The following FHIP1A variants were observed in gnomAD, a reference collection of about 807,000 sequenced individuals.
FHIP1A encodes the protein FHF complex subunit HOOK interacting protein 1A, also known as FHF complex subunit HOOK-interacting protein 1A.
FHIP1A carries 61 observed loss-of-function variants against 88.6 expected under a neutral mutation model. The observed-to-expected ratio is 0.69, with a 90% CI of 0.56 to 0.85. The LOEUF (loss-of-function observed/expected upper bound fraction) is 0.85, where lower values mean the gene tolerates loss of function less well. Among genes scored for constraint, FHIP1A ranks in the 40% least tolerant of loss-of-function variants. FHIP1A has a pLI of 0.00. For synonymous variants in FHIP1A, 478 were observed against 496.0 expected (o/e 0.96, Z 0.48); for missense variants, 1,154 against 1,273.5 (o/e 0.91, Z 1.43).
chr4:151,422,164 A>T (rs1046165137), intron 1 of FHIP1A, among the ~76,000 whole-genome samples: 10 of 151,820 alleles, frequency 6.6e-5, no homozygotes, highest in Non-Finnish European at 1.5e-4. Flanking sequence ...AGTGACAAAA[A>T]TGGGAAAGAA....
At chr4:151,571,580 A>G (rs1031281153) in intron 4 of FHIP1A, among the ~76,000 whole-genome samples, 1 of 152,184 alleles carries the variant, frequency 6.6e-6, no homozygotes, top group African/African-American at 2.4e-5. Context: ...TAGAGCATCC[A>G]TGCATGGATT....
At chr4:151,595,155 G>A (rs185827634) in intron 7 of FHIP1A, among the ~76,000 whole-genome samples, 169 of 152,184 alleles carry the variant, frequency 1.1e-3, no homozygotes, top group African/African-American at 3.7e-3. Context: ...CTTTTCCTGT[G>A]GGCATTTAGT....
At chr4:151,611,445 G>A (rs1735322215) in intron 7 of FHIP1A, among the ~76,000 whole-genome samples, 1 of 152,146 alleles carries the variant, frequency 6.6e-6, no homozygotes, top group Admixed American at 6.5e-5. Flanking sequence ...TGTTTGAAAT[G>A]TGCTCTCTAT....
In FHIP1A at chr4:151,419,568, CTTTTTTTTTTTTTTTTTTTT is replaced by C. The variant is rs70941499; in HGVS notation, c.-356+10118_-356+10137del. 2.7e-4 allele frequency among the ~76,000 whole-genome samples: 6 copies of C among 21,990 alleles called. 2 individuals carry two copies. Among genetic ancestry groups the C allele is most frequent in the South Asian group, 4.2e-3 (2 of 480 alleles). 14.4% of individuals were successfully genotyped at this position (21,990 alleles called of 152,430 possible). A position where few individuals can be genotyped will look rare whatever the true frequency, so the allele number is the denominator to read the frequency against. ...CTGCCATGCTGGTCTGTTCCTCATT[CTTTTTTTTTTTTTTTTTTTT>C]TTTTTTTTTTTTTTATTATACTCTA... On this transcript the variant is annotated intron_variant, in intron 1 of 13. Coordinates refer to ENST00000435205, the MANE Select transcript of FHIP1A (RefSeq NM_001109977.3).
intron 4 of FHIP1A, among the ~76,000 whole-genome samples, chr4:151,567,312 A>G (rs1733425786): frequency 6.6e-6 from 1 of 152,066 alleles, no homozygotes; most frequent in Non-Finnish European, 1.5e-5. Flanking sequence ...GAAACAGCAC[A>G]CTGGTTAAAG....
At position 151,668,071 on chromosome 4, in the gene FHIP1A, T is replaced by TA. The variant is rs201687236; in HGVS notation, c.*5318dup. The stretch of plus-strand genomic sequence containing the variant: ...GGAATTTGGTGTTGACAATCTTACT[T>TA]ACACGACTCTTGCTAAGCTATTTGA... On this transcript the variant is annotated 3_prime_UTR_variant, in exon 14 of 14. Coordinates refer to ENST00000435205, the MANE Select transcript of FHIP1A (RefSeq NM_001109977.3). Among the ~76,000 whole-genome samples the TA allele has an allele frequency of 1.5e-3, 221 of 152,330 alleles. 3 individuals are homozygous for TA. In the East Asian group the frequency reaches 0.026, roughly 18 times the overall value.
rs1736951227 is a variant in FHIP1A at position 151,649,934 on chromosome 4, C to T, written c.1893C>T (p.Ser631=). The change falls in exon 11 of 14, where the codon TCC becomes TCT. Residue 631 remains serine (S), a synonymous_variant. Transcript: ENST00000435205. The part of the protein sequence containing the change: ...KKNALLLFKG[S]YIEESDFQDD... ...ATGCCCTCCTGCTCTTCAAAGGGTCCTACATAGAAGAGTCGGACTTTCAGG... is the reference window on the plus strand; with the variant it reads ...ATGCCCTCCTGCTCTTCAAAGGGTCTTACATAGAAGAGTCGGACTTTCAGG... 1.9e-6 allele frequency: 3 copies of T among 1,551,452 alleles called. No individual in the cohort carries two copies. Among genetic ancestry groups the T allele is most frequent in the Non-Finnish European group, 2.6e-6 (3 of 1,146,962 alleles).
At chr4:151,476,772 G>A (rs1292969149) in intron 2 of FHIP1A, among the ~76,000 whole-genome samples, 2 of 152,102 alleles carry the variant, frequency 1.3e-5, no homozygotes, top group South Asian at 2.1e-4. Flanking sequence ...AGCTAATTAC[G>A]AAGAATATGA....
chr4:151,623,741 A>G (rs1578831596), intron 7 of FHIP1A, among the ~76,000 whole-genome samples: 1 of 152,182 alleles, frequency 6.6e-6, no homozygotes. Context: ...TATAAAGGTA[A>G]TAAATGTTAG....
intron 1 of FHIP1A, among the ~76,000 whole-genome samples, chr4:151,410,284 G>A (rs1428205132): frequency 6.6e-6 from 1 of 152,176 alleles, no homozygotes; most frequent in Admixed American, 6.6e-5. Context: ...AGCTATCCAG[G>A]GACAGGGAAA....
At chr4:151,619,102 TA>T (rs1735647101) in intron 7 of FHIP1A, among the ~76,000 whole-genome samples, 1 of 152,208 alleles carries the variant, frequency 6.6e-6, no homozygotes, top group Admixed American at 6.5e-5. Context: ...ACAGGTCAGC[TA>T]GCCAGCTCTC....
intron 13 of FHIP1A, among the ~76,000 whole-genome samples, chr4:151,659,295 C>T (rs1737365123): frequency 6.6e-6 from 1 of 152,192 alleles, no homozygotes; most frequent in African/African-American, 2.4e-5. Context: ...CTTAAAGCAT[C>T]TTTAACTGAC....
At chr4:151,410,467 A>G (rs543722101) in intron 1 of FHIP1A, among the ~76,000 whole-genome samples, 1 of 152,374 alleles carries the variant, frequency 6.6e-6, no homozygotes, top group East Asian at 1.9e-4. Context: ...GCTCCCTGCT[A>G]ATAGTCATAG....
intron 7 of FHIP1A, among the ~76,000 whole-genome samples, chr4:151,626,032 CAG>C (rs1451569275): frequency 2.0e-5 from 3 of 152,140 alleles, no homozygotes; most frequent in Admixed American, 2.0e-4. Flanking sequence ...TGCTCACAGT[CAG>C]AAATAATATT....
chr4:151,422,564 T>A (rs1362760646), intron 1 of FHIP1A, among the ~76,000 whole-genome samples: 1 of 152,114 alleles, frequency 6.6e-6, no homozygotes, highest in Non-Finnish European at 1.5e-5. Flanking sequence ...TTTTAATATT[T>A]CTTTTTAGTA....
In FHIP1A at chr4:151,592,413, C is replaced by T. The variant is rs918375631; in HGVS notation, c.978+3487C>T. Among the ~76,000 whole-genome samples, 6 of 152,136 alleles carry T rather than the reference C, an allele frequency of 3.9e-5. No homozygotes were observed. In the East Asian group the frequency reaches 7.7e-4, roughly 20 times the overall value. ...CCTCCCAAAGTGCTGAGATTACAGG[C>T]GTGAGCCACCGCGCCCGGCTGTTCC... On this transcript the variant is annotated intron_variant, in intron 7 of 13. Coordinates refer to ENST00000435205, the MANE Select transcript of FHIP1A (RefSeq NM_001109977.3).
chr4:151,573,361 A>G (rs979447325), intron 4 of FHIP1A, among the ~76,000 whole-genome samples: 1 of 152,128 alleles, frequency 6.6e-6, no homozygotes, highest in Non-Finnish European at 1.5e-5. Flanking sequence ...TATGATCCGC[A>G]AAACGTTTAA....
chr4:151,453,399 A>ATGCT (rs1351633955), intron 1 of FHIP1A, among the ~76,000 whole-genome samples: 41 of 152,274 alleles, frequency 2.7e-4, no homozygotes, highest in Admixed American at 1.4e-3. Context: ...CCACTTAGCT[A>ATGCT]TGCAATCTTG....
At chr4:151,450,650 A>G (rs558192448) in intron 1 of FHIP1A, among the ~76,000 whole-genome samples, 1 of 152,182 alleles carries the variant, frequency 6.6e-6, no homozygotes, top group Non-Finnish European at 1.5e-5. Flanking sequence ...TTGCTCTCCA[A>G]AATTGTTGCA....
Sources: allele counts gnomAD v4.1 joint callset (sites outside exome capture counted in the v4.1 genomes callset), GRCh38; gene constraint gnomAD v4.1.1; transcripts MANE v1.5; gene names NCBI Gene and HGNC (gene_info 2026-07-23, HGNC 2026-07-21).